Variants in RAB27A observed in about 807,000 individuals in gnomAD.
RAB27A encodes the protein ras-related protein Rab-27A.
A neutral mutation model predicts 20.8 loss-of-function variants in RAB27A; 17 were observed. The ratio of observed to expected loss-of-function variants is 0.82; its 90% CI spans 0.56 to 1.23. RAB27A has a LOEUF of 1.23. Among genes scored for constraint, RAB27A ranks in the 50% most tolerant of loss-of-function variants. The pLI is 0.00. For missense variants in RAB27A, 277 were observed against 266.7 expected, an observed-to-expected ratio of 1.04 and a Z score of -0.27; for synonymous variants, 85 against 92.8, an observed-to-expected ratio of 0.92 and a Z score of 0.48.
At chr15:55,210,090 A>ATG (rs1193726026) in intron 6 of RAB27A, among the ~76,000 whole-genome samples, 4 of 131,840 alleles carry the variant, frequency 3.0e-5, no homozygotes, top group Admixed American at 1.4e-4. Context: ...ATATACACAT[A>ATG]TATGTGTGTA....
chr15:55,263,051 C>G (rs1897333041), intron 2 of RAB27A, among the ~76,000 whole-genome samples: 1 of 152,136 alleles, frequency 6.6e-6, no homozygotes, highest in African/African-American at 2.4e-5. Flanking sequence ...TTCCCTTAAT[C>G]TGTTAATTTA....
chr15:55,269,080 A>G (rs1437763075), intron 2 of RAB27A, among the ~76,000 whole-genome samples: 1 of 152,194 alleles, frequency 6.6e-6, no homozygotes, highest in Non-Finnish European at 1.5e-5. Context: ...ACAGTCCTCA[A>G]AAGGGACCAA....
intron 2 of RAB27A, 74 bp from the exon 3 acceptor site, chr15:55,235,030 C>T (rs1896198840): frequency 4.8e-6 from 6 of 1,241,810 alleles, no homozygotes; most frequent in Non-Finnish European, 6.8e-6. Context: ...AAAGTGACAA[C>T]AATATTCAGT....
intron 2 of RAB27A, among the ~76,000 whole-genome samples, chr15:55,260,759 G>A (rs1337781366): frequency 6.6e-6 from 1 of 152,194 alleles, no homozygotes; most frequent in South Asian, 2.1e-4. Context: ...GTGGTTATTA[G>A]GGGTTGGAGT....
At chr15:55,236,108 C>G (rs1224330705) in intron 2 of RAB27A, among the ~76,000 whole-genome samples, 1 of 151,390 alleles carries the variant, frequency 6.6e-6, no homozygotes, top group South Asian at 2.1e-4. Flanking sequence ...GAAATCACCA[C>G]TAAAGAACTT....
In RAB27A at chr15:55,273,978, G is replaced by A. The variant is rs549500080; in HGVS notation, c.-142-3694C>T. ...TCAAGCGCACGTGGAATATTCTTCC[G>A]GATAGAACATACAGTAGGCCACAAA... On this transcript the variant is annotated intron_variant, in intron 1 of 6. Coordinates refer to ENST00000336787, the MANE Select transcript of RAB27A (RefSeq NM_183235.3). 8.2e-4 allele frequency among the ~76,000 whole-genome samples: 125 copies of A among 152,222 alleles called. 1 individual carries two copies. The highest frequency in any genetic ancestry group is 8.5e-4 in the Non-Finnish European group (58 of 68,020).
At chr15:55,207,012 A>C (rs1389521023) in intron 6 of RAB27A, among the ~76,000 whole-genome samples, 1 of 152,202 alleles carries the variant, frequency 6.6e-6, no homozygotes, top group Non-Finnish European at 1.5e-5. Flanking sequence ...AAGGATATGC[A>C]CGGGAAATTC....
rs761373818 is a variant in RAB27A at position 55,262,336 on chromosome 15, TC to T, written c.-23+7828del. On this transcript the variant is annotated intron_variant, in intron 2 of 6. Coordinates refer to ENST00000336787, the MANE Select transcript of RAB27A (RefSeq NM_183235.3). ...GTGGGCGAATCACAATGTCAGGAGA[TC>T]CAGACCATCCTGGCTAACACAGTGA... is the stretch of plus-strand genomic sequence containing the variant. Among the ~76,000 whole-genome samples, 46 of 152,050 alleles carry T rather than the reference TC, an allele frequency of 3.0e-4. 1 individual carries two copies. The highest frequency in any genetic ancestry group is 2.1e-3 in the South Asian group (10 of 4,810).
intron 2 of RAB27A, among the ~76,000 whole-genome samples, chr15:55,295,312 G>GT (rs1209321885): frequency 6.6e-6 from 1 of 152,168 alleles, no homozygotes; most frequent in African/African-American, 2.4e-5. Flanking sequence ...TCTTCAAAAA[G>GT]TTAAACAGAT....
chr15:55,247,690 A>T (rs766877808), intron 2 of RAB27A, among the ~76,000 whole-genome samples: 1 of 152,170 alleles, frequency 6.6e-6, no homozygotes, highest in Non-Finnish European at 1.5e-5. Flanking sequence ...AAGAAACATG[A>T]TGAATTAGAA....
chr15:55,303,809 G>A (rs1311015108), intron 2 of RAB27A, among the ~76,000 whole-genome samples: 5 of 124,968 alleles, frequency 4.0e-5, no homozygotes, highest in African/African-American at 6.9e-5. Context: ...CCCCCCGCCC[G>A]GCCAGCCGCC....
chr15:55,302,063 C>T (rs2054974474), intron 2 of RAB27A, among the ~76,000 whole-genome samples: 2 of 151,742 alleles, frequency 1.3e-5, no homozygotes, highest in African/African-American at 2.4e-5. Flanking sequence ...TGTGATCCCA[C>T]CTATTCGGGA....
At chr15:55,247,284 C>T (rs568237421) in intron 2 of RAB27A, among the ~76,000 whole-genome samples, 1 of 152,034 alleles carries the variant, frequency 6.6e-6, no homozygotes, top group African/African-American at 2.4e-5. Flanking sequence ...TGCCACCAAA[C>T]TTGTGGGCCC....
At chr15:55,226,402 A>C (rs1895796747) in intron 5 of RAB27A, among the ~76,000 whole-genome samples, 1 of 152,032 alleles carries the variant, frequency 6.6e-6, no homozygotes, top group Non-Finnish European at 1.5e-5. Flanking sequence ...GGGAAAGGGG[A>C]GGGTATATAG....
At chr15:55,260,272 A>T (rs754579282) in intron 2 of RAB27A, among the ~76,000 whole-genome samples, 40 of 152,208 alleles carry the variant, frequency 2.6e-4, no homozygotes, top group Non-Finnish European at 4.6e-4. Context: ...CCAAAATCCA[A>T]AACACTGACA....
intron 6 of RAB27A, among the ~76,000 whole-genome samples, chr15:55,223,122 A>C (rs1895652524): frequency 6.6e-6 from 1 of 152,140 alleles, no homozygotes; most frequent in African/African-American, 2.4e-5. Context: ...CCAGAATAGA[A>C]ATTTCAAAAC....
intron 6 of RAB27A, among the ~76,000 whole-genome samples, chr15:55,206,812 T>C (rs28508034): frequency 0.27 from 40,706 of 152,040 alleles, 7,076 homozygotes; most frequent in African/African-American, 0.5. Context: ...CCACAGAGAA[T>C]AAGTTTGATA....
chr15:55,295,258 T>C (rs1347679021), intron 2 of RAB27A, among the ~76,000 whole-genome samples: 1 of 152,126 alleles, frequency 6.6e-6, no homozygotes, highest in East Asian at 1.9e-4. Flanking sequence ...ATGGAGAAAC[T>C]GGGAATGTAA....
At chr15:55,207,965 G>A (rs1197875735) in intron 6 of RAB27A, among the ~76,000 whole-genome samples, 2 of 152,142 alleles carry the variant, frequency 1.3e-5, no homozygotes, top group South Asian at 2.1e-4. Context: ...CAAAAAACCT[G>A]AACTTTTAAT....
Sources: gnomAD v4.1 joint callset for allele counts (sites outside exome capture counted in the v4.1 genomes callset) on GRCh38, gnomAD v4.1.1 for gene constraint, MANE v1.5 for transcripts, NCBI Gene and HGNC (gene_info 2026-07-23, HGNC 2026-07-21) for gene names.